The following GATAD2B variants were observed in gnomAD, a reference collection of about 807,000 sequenced individuals.
GATAD2B encodes transcriptional repressor p66-beta.
A neutral mutation model predicts 64.3 loss-of-function variants in GATAD2B; 8 were observed. The ratio of observed to expected loss-of-function variants is 0.12; its 90% CI spans 0.07 to 0.22. The LOEUF is 0.22. Among genes scored for constraint, GATAD2B ranks in the 10% least tolerant of loss-of-function variants. The pLI, the probability that GATAD2B is intolerant of heterozygous loss-of-function variation, is 1.00. For missense variants in GATAD2B, 453 were observed against 752.0 expected (o/e 0.60, Z 4.65); for synonymous variants, 281 against 271.3 (o/e 1.04, Z -0.35).
intron 1 of GATAD2B, among the ~76,000 whole-genome samples, chr1:153,868,738 C>CTTTT (rs1269590974): frequency 2.9e-5 from 4 of 139,190 alleles, no homozygotes; most frequent in African/African-American, 1.1e-4. Context: ...ATACTATATA[C>CTTTT]TTTTTTTTTT....
At chr1:153,922,278 T>G (rs1269698319) in intron 1 of GATAD2B, among the ~76,000 whole-genome samples, 750 of 82,072 alleles carry the variant, frequency 9.1e-3, no homozygotes, top group Middle Eastern at 0.022. Context: ...CCACTGGGGG[T>G]GGAGAGAGTT....
intron 2 of GATAD2B, among the ~76,000 whole-genome samples, chr1:153,821,730 A>G (rs1557784848): frequency 6.6e-6 from 1 of 150,578 alleles, no homozygotes; most frequent in African/African-American, 2.4e-5. Context: ...CGCCTGGCTA[A>G]TTTTTTTTTG....
At chr1:153,904,470 GA>G (rs1328681288) in intron 1 of GATAD2B, among the ~76,000 whole-genome samples, 1 of 152,016 alleles carries the variant, frequency 6.6e-6, no homozygotes, top group Non-Finnish European at 1.5e-5. Flanking sequence ...TTTAAAACAA[GA>G]AGAAAGTGCT....
intron 1 of GATAD2B, among the ~76,000 whole-genome samples, chr1:153,885,288 A>T (rs993173449): frequency 1.3e-5 from 2 of 152,120 alleles, no homozygotes; most frequent in African/African-American, 4.8e-5. Flanking sequence ...TATTAGCCAA[A>T]TATGATGGAA....
intron 1 of GATAD2B, among the ~76,000 whole-genome samples, chr1:153,870,171 G>A (rs1676614251): frequency 6.6e-6 from 1 of 151,958 alleles, no homozygotes; most frequent in Non-Finnish European, 1.5e-5. Context: ...GGCTGGTCTC[G>A]AACTCCTGGC....
chr1:153,881,211 C>T, intron 1 of GATAD2B, among the ~76,000 whole-genome samples: 1 of 152,124 alleles, frequency 6.6e-6, no homozygotes, highest in East Asian at 1.9e-4. Context: ...AACACTCAGT[C>T]AGCTGGTTGA....
In GATAD2B at chr1:153,866,926, G is replaced by A. The variant is rs1425852690; in HGVS notation, c.-1-38578C>T. On this transcript the variant is annotated intron_variant, in intron 1 of 10. Transcript: ENST00000368655. ...CTCCTAAGTAGCTGGGATTATAGGC[G>A]CACACCACCACACCAGCTGATTTTT... Among the ~76,000 whole-genome samples, 3 of 151,988 alleles carry A rather than the reference G, an allele frequency of 2.0e-5. No homozygotes were observed. In the East Asian group the frequency reaches 5.8e-4, roughly 29 times the overall value.
intron 1 of GATAD2B, among the ~76,000 whole-genome samples, chr1:153,840,020 TA>T (rs1412742743): frequency 6.7e-6 from 1 of 148,558 alleles, no homozygotes; most frequent in Non-Finnish European, 1.5e-5. Context: ...GAAATGAAAA[TA>T]CTTTCTTTTT....
Position 153,812,385 on chromosome 1 carries a change from G to C in GATAD2B, c.1420-253C>G, listed in dbSNP as rs73013795. On this transcript the variant is annotated intron_variant, in intron 8 of 10. Coordinates refer to ENST00000368655, the MANE Select transcript of GATAD2B (RefSeq NM_020699.4). ...GGTGTTCTTACCTCTAATGTTGTTG[G>C]CTAGTTGGTGGAATATGGAAAAGGC... is the stretch of plus-strand genomic sequence containing the variant. 7,092 of 404,942 alleles carry C rather than the reference G, an allele frequency of 0.018. 435 individuals are homozygous for C. Among genetic ancestry groups the C allele is most frequent in the African/African-American group, 0.13 (6,205 of 48,710 alleles). 25.1% of individuals were successfully genotyped at this position (404,942 alleles called of 1,614,324 possible).
chr1:153,878,913 G>A (rs186554737), intron 1 of GATAD2B, among the ~76,000 whole-genome samples: 1 of 151,502 alleles, frequency 6.6e-6, no homozygotes, highest in Admixed American at 6.6e-5. Flanking sequence ...GAGTAGTTGG[G>A]ATTACAGGTG....
intron 1 of GATAD2B, among the ~76,000 whole-genome samples, chr1:153,846,495 C>T (rs1675691968): frequency 6.6e-6 from 1 of 151,830 alleles, no homozygotes; most frequent in Non-Finnish European, 1.5e-5. Context: ...ATCTCAGCCT[C>T]CTAAAGTGCT....
intron 1 of GATAD2B, among the ~76,000 whole-genome samples, chr1:153,915,694 C>T (rs950090140): frequency 6.7e-6 from 1 of 149,374 alleles, no homozygotes; most frequent in Non-Finnish European, 1.5e-5. Flanking sequence ...GAGATCGTGC[C>T]ACTGTGCTCC....
chr1:153,855,375 G>A (rs1676047439), intron 1 of GATAD2B, among the ~76,000 whole-genome samples: 1 of 151,696 alleles, frequency 6.6e-6, no homozygotes, highest in Non-Finnish European at 1.5e-5. Context: ...ATTACAGACA[G>A]GTGTCCCCAC....
At chr1:153,820,935 T>G in intron 2 of GATAD2B, among the ~76,000 whole-genome samples, 1 of 150,526 alleles carries the variant, frequency 6.6e-6, no homozygotes, top group Non-Finnish European at 1.5e-5. Flanking sequence ...GCTGTCCACT[T>G]CTCAGGGTTT....
At chr1:153,866,173 C>T (rs1468553530) in intron 1 of GATAD2B, among the ~76,000 whole-genome samples, 1 of 144,210 alleles carries the variant, frequency 6.9e-6, no homozygotes, top group Admixed American at 7.0e-5. Context: ...CACTGCACTC[C>T]AGCCTGGCAA....
intron 1 of GATAD2B, among the ~76,000 whole-genome samples, chr1:153,892,989 G>A (rs758826947): frequency 5.3e-5 from 8 of 151,976 alleles, no homozygotes; most frequent in African/African-American, 1.4e-4. Context: ...CACTGCGCCC[G>A]GCCAAGAAAT....
rs1273643602 is a variant in GATAD2B at position 153,813,466 on chromosome 1, A to C, written c.1217-14T>G. 6.3e-7 allele frequency: 1 copy of C among 1,591,328 alleles called. No individual in the cohort carries two copies. Among genetic ancestry groups the C allele is most frequent in the South Asian group, 1.1e-5 (1 of 90,624 alleles). ...CACAGCTTTTGCCTAGATACCAACA[A>C]AAATAGTCAGTGGCTTTACATTTCC... On this transcript the variant is annotated splice_polypyrimidine_tract_variant and intron_variant, in intron 7 of 10. Transcript: ENST00000368655.
At chr1:153,915,732 T>C (rs1330616541) in intron 1 of GATAD2B, among the ~76,000 whole-genome samples, 3 of 132,748 alleles carry the variant, frequency 2.3e-5, no homozygotes, top group African/African-American at 5.6e-5. Context: ...GAGCCAGAAC[T>C]TGTCTATATA....
At chr1:153,922,344 T>G (rs1001651260) in intron 1 of GATAD2B, among the ~76,000 whole-genome samples, 1 of 127,428 alleles carries the variant, frequency 7.8e-6, no homozygotes. Context: ...ATGGCGGGCA[T>G]GAGGCAGGGA....
Sources: allele counts gnomAD v4.1 joint callset (sites outside exome capture counted in the v4.1 genomes callset), GRCh38; gene constraint gnomAD v4.1.1; transcripts MANE v1.5; gene names NCBI Gene and HGNC (gene_info 2026-07-23, HGNC 2026-07-21).